The following SLC2A13 variants were observed in gnomAD, a reference collection of about 807,000 sequenced individuals.
SLC2A13 encodes proton myo-inositol cotransporter.
SLC2A13 carries 32 observed loss-of-function variants against 64.4 expected under a neutral mutation model. The observed-to-expected ratio is 0.50, with a 90% CI of 0.37 to 0.67. SLC2A13 has a LOEUF of 0.67. Among genes scored for constraint, SLC2A13 ranks in the 30% least tolerant of loss-of-function variants. The pLI, the probability that SLC2A13 is intolerant of heterozygous loss-of-function variation, is 0.00. For missense variants in SLC2A13, 743 were observed against 829.2 expected, an observed-to-expected ratio of 0.90 and a Z score of 1.28; for synonymous variants, 338 against 327.1, an observed-to-expected ratio of 1.03 and a Z score of -0.36.
intron 6 of SLC2A13, among the ~76,000 whole-genome samples, chr12:39,844,561 T>C (rs575372959): frequency 6.6e-6 from 1 of 152,058 alleles, no homozygotes; most frequent in Non-Finnish European, 1.5e-5. Context: ...TCATAACATA[T>C]AAAATATAAA....
At chr12:39,901,416 G>A in intron 4 of SLC2A13, among the ~76,000 whole-genome samples, 1 of 146,622 alleles carries the variant, frequency 6.8e-6, no homozygotes. Context: ...CCTACAACAT[G>A]GGAGAAAATT....
chr12:39,865,049 A>G (rs988870415), intron 5 of SLC2A13, among the ~76,000 whole-genome samples, 167 bp from the exon 6 acceptor site: 1 of 152,234 alleles, frequency 6.6e-6, no homozygotes, highest in African/African-American at 2.4e-5. Flanking sequence ...CCCAATGTAT[A>G]AACAAATTAT....
intron 7 of SLC2A13, among the ~76,000 whole-genome samples, chr12:39,786,502 G>A (rs894552969): frequency 1.3e-5 from 2 of 151,880 alleles, no homozygotes; most frequent in East Asian, 3.8e-4. Flanking sequence ...GCTCTCTGGG[G>A]CTGGTCATGT....
At chr12:39,994,116 G>A (rs557299402) in intron 3 of SLC2A13, among the ~76,000 whole-genome samples, 4 of 152,078 alleles carry the variant, frequency 2.6e-5, no homozygotes, top group East Asian at 1.9e-4. Flanking sequence ...TCTGCCGGGC[G>A]CGGTGGCTCA....
intron 7 of SLC2A13, among the ~76,000 whole-genome samples, chr12:39,800,506 C>A (rs1941750809): frequency 7.8e-6 from 1 of 128,128 alleles, no homozygotes; most frequent in African/African-American, 3.1e-5. Flanking sequence ...TGCTCATCAT[C>A]ACTGGCCATC....
intron 7 of SLC2A13, among the ~76,000 whole-genome samples, chr12:39,782,198 G>A (rs923805159): frequency 6.6e-6 from 1 of 152,160 alleles, no homozygotes; most frequent in Non-Finnish European, 1.5e-5. Context: ...CTGCTGTTAA[G>A]AAACCTTTGT....
In SLC2A13 at chr12:39,755,672, G is replaced by A. The variant is rs920184440; in HGVS notation, c.*4354C>T. 6.6e-6 allele frequency: 1 copy of A among 151,916 alleles called. No individual in the cohort carries two copies. Among genetic ancestry groups the A allele is most frequent in the Non-Finnish European group, 1.5e-5 (1 of 67,846 alleles). The allele number at this position is 151,916 out of a possible 1,614,324, so 9.4% of individuals were successfully genotyped here. On this transcript the variant is annotated 3_prime_UTR_variant, in exon 10 of 10. Transcript: ENST00000280871. ...TGATCCACTTCTTTTTCTCATTTATGCTGACATGACAAAATCAAACACATG... is the reference window on the plus strand; with the variant it reads ...TGATCCACTTCTTTTTCTCATTTATACTGACATGACAAAATCAAACACATG...
chr12:40,078,451 A>G (rs1938265698), intron 1 of SLC2A13, among the ~76,000 whole-genome samples: 2 of 152,162 alleles, frequency 1.3e-5, no homozygotes, highest in South Asian at 2.1e-4. Flanking sequence ...ATAGATTTCC[A>G]TATGTTGAAT....
chr12:39,969,030 T>C (rs993488875), intron 3 of SLC2A13, among the ~76,000 whole-genome samples: 6 of 152,044 alleles, frequency 3.9e-5, no homozygotes, highest in Non-Finnish European at 7.4e-5. Flanking sequence ...TTCCCATCTA[T>C]GAGTGAGAAC....
intron 4 of SLC2A13, among the ~76,000 whole-genome samples, chr12:39,896,377 T>TATGTATGTATATGTGTATGTATGTATAC (rs1944882640): frequency 1.5e-5 from 2 of 133,012 alleles, no homozygotes; most frequent in Admixed American, 7.8e-5. Flanking sequence ...TGTATACATA[T>TATGTATGTATATGTGTATGTATGTATAC]ATGTATGTAT....
At chr12:39,993,180 C>G (rs1420319572) in intron 3 of SLC2A13, among the ~76,000 whole-genome samples, 1 of 152,162 alleles carries the variant, frequency 6.6e-6, no homozygotes, top group Non-Finnish European at 1.5e-5. Context: ...TATTTCATCT[C>G]TGTATCACAG....
In SLC2A13 at chr12:39,806,227, C is replaced by A. The variant is rs79571715; in HGVS notation, c.1445+23876G>T. 8.0e-3 allele frequency among the ~76,000 whole-genome samples: 1,211 copies of A among 152,266 alleles called. 15 individuals carry two copies. The highest frequency in any genetic ancestry group is 0.027 in the African/African-American group (1,131 of 41,536). ...TTGACTGTCTTTATCTTGCCTGGAA[C>A]CTCTAATGCTGAAAGATCAGAACAA... On this transcript the variant is annotated intron_variant, in intron 7 of 9. Coordinates refer to ENST00000280871, the MANE Select transcript of SLC2A13 (RefSeq NM_052885.4).
chr12:40,051,988 T>C (rs944430349), intron 1 of SLC2A13, among the ~76,000 whole-genome samples: 1 of 151,934 alleles, frequency 6.6e-6, no homozygotes. Flanking sequence ...AATGAAGAGA[T>C]TTGAGAATTA....
At chr12:40,077,714 T>C (rs890677198) in intron 1 of SLC2A13, among the ~76,000 whole-genome samples, 1 of 152,172 alleles carries the variant, frequency 6.6e-6, no homozygotes, top group Non-Finnish European at 1.5e-5. Flanking sequence ...TGGGTAGAAA[T>C]AGCATTGAAT....
At position 39,944,843 on chromosome 12, in the gene SLC2A13, T is replaced by C. The variant is rs531760746; in HGVS notation, c.1034+6414A>G. Reference sequence around the variant, plus strand: ...GCATTTAGGTCATTTACATTCAATGTTTGTATTGAAATGTGAGGTACTGTT... The same window carrying C: ...GCATTTAGGTCATTTACATTCAATGCTTGTATTGAAATGTGAGGTACTGTT... On this transcript the variant is annotated intron_variant, in intron 4 of 9. Coordinates refer to ENST00000280871, the MANE Select transcript of SLC2A13 (RefSeq NM_052885.4). Among the ~76,000 whole-genome samples, 281 of 152,344 alleles carry C rather than the reference T, an allele frequency of 1.8e-3. 2 individuals carry two copies. The highest frequency in any genetic ancestry group is 6.5e-3 in the African/African-American group (271 of 41,576).
intron 4 of SLC2A13, among the ~76,000 whole-genome samples, chr12:39,873,598 G>A (rs1944111624): frequency 6.6e-6 from 1 of 152,144 alleles, no homozygotes. Context: ...TTAAGAATAA[G>A]AATAGTTATA....
chr12:39,800,104 A>G (rs1941732618), intron 7 of SLC2A13, among the ~76,000 whole-genome samples: 1 of 152,212 alleles, frequency 6.6e-6, no homozygotes, highest in African/African-American at 2.4e-5. Flanking sequence ...TAGGTACAAT[A>G]AAAAATCAGG....
intron 7 of SLC2A13, among the ~76,000 whole-genome samples, chr12:39,821,113 C>A (rs1372311182): frequency 6.6e-6 from 1 of 152,014 alleles, no homozygotes; most frequent in Non-Finnish European, 1.5e-5. Flanking sequence ...CTTTAGAGTT[C>A]CTTTTATAAC....
At chr12:39,819,550 AT>A (rs1297250436) in intron 7 of SLC2A13, among the ~76,000 whole-genome samples, 1 of 152,110 alleles carries the variant, frequency 6.6e-6, no homozygotes, top group Non-Finnish European at 1.5e-5. Context: ...TCTACAATAA[AT>A]TTTTCATTTA....
Sources: allele counts gnomAD v4.1 joint callset (sites outside exome capture counted in the v4.1 genomes callset), GRCh38; gene constraint gnomAD v4.1.1; transcripts MANE v1.5; gene names NCBI Gene and HGNC (gene_info 2026-07-23, HGNC 2026-07-21).